GRM3: variants seen among roughly 807,000 people sequenced by gnomAD.
GRM3 encodes the protein metabotropic glutamate receptor 3.
In GRM3, 26 loss-of-function variants were observed where a neutral mutation model predicts 70.5. That is an observed-to-expected ratio of 0.37 (90% confidence interval 0.27 to 0.51). The LOEUF (loss-of-function observed/expected upper bound fraction) is 0.51, where lower values mean the gene tolerates loss of function less well. Among genes scored for constraint, GRM3 ranks in the 20% least tolerant of loss-of-function variants. The pLI is 0.93. For synonymous variants in GRM3, 443 were observed against 434.9 expected (o/e 1.02, Z -0.23); for missense variants, 859 against 1,123.8 (o/e 0.76, Z 3.37).
At chr7:86,705,242 T>C (rs1355436754) in intron 1 of GRM3, among the ~76,000 whole-genome samples, 1 of 152,016 alleles carries the variant, frequency 6.6e-6, no homozygotes, top group Non-Finnish European at 1.5e-5. Flanking sequence ...ATTACCTGCC[T>C]TTTTCCTTCA....
intron 3 of GRM3, among the ~76,000 whole-genome samples, chr7:86,787,488 C>T (rs1797286608): frequency 6.6e-6 from 1 of 152,088 alleles, no homozygotes. Context: ...CTCTAGGGAA[C>T]ATGAACTTCC....
chr7:86,664,615 C>T (rs1793978715), intron 1 of GRM3, among the ~76,000 whole-genome samples: 1 of 151,830 alleles, frequency 6.6e-6, no homozygotes, highest in South Asian at 2.1e-4. Context: ...GATTTTGTAA[C>T]AAAGAATCCA....
chr7:86,799,190 T>C (rs1354908284), intron 3 of GRM3, among the ~76,000 whole-genome samples: 3 of 152,218 alleles, frequency 2.0e-5, no homozygotes, highest in Admixed American at 6.5e-5. Context: ...TTGTGATTTT[T>C]GCACACTGAT....
Position 86,786,207 on chromosome 7 carries a change from T to C in GRM3, c.469-54T>C, listed in dbSNP as rs1418291856. ...GTGGATGCTATTATTCATTTTCATGTCCAGTCATCTACCTCGGGGTTTCTA... is the reference window on the plus strand; with the variant it reads ...GTGGATGCTATTATTCATTTTCATGCCCAGTCATCTACCTCGGGGTTTCTA... On this transcript the variant is annotated intron_variant, in intron 2 of 5. Transcript: ENST00000361669. The surrounding 1 kb of genome is among the most constrained non-coding windows in gnomAD (Gnocchi z 6.0). The C allele has an allele frequency of 5.4e-6, 8 of 1,485,922 alleles. No individual in the cohort carries two copies. In the Admixed American group the frequency reaches 1.1e-4, roughly 21 times the overall value. 92.0% of individuals were successfully genotyped at this position (1,485,922 alleles called of 1,614,324 possible).
At chr7:86,662,992 G>A (rs983526590) in intron 1 of GRM3, among the ~76,000 whole-genome samples, 2 of 151,808 alleles carry the variant, frequency 1.3e-5, no homozygotes, top group Admixed American at 1.3e-4. Context: ...CCAAATTTGA[G>A]GCCAGTATAA....
At chr7:86,826,089 T>C (rs1045001656) in intron 3 of GRM3, among the ~76,000 whole-genome samples, 1 of 152,230 alleles carries the variant, frequency 6.6e-6, no homozygotes, top group Non-Finnish European at 1.5e-5. Flanking sequence ...CATTTTAAAA[T>C]CTTTGCTGTA....
At chr7:86,739,990 G>A (rs1176294208) in intron 1 of GRM3, among the ~76,000 whole-genome samples, 1 of 152,150 alleles carries the variant, frequency 6.6e-6, no homozygotes, top group South Asian at 2.1e-4. Context: ...TTAATAAGAT[G>A]TGCGTGCTAA....
At chr7:86,722,073 G>A (rs1466639659) in intron 1 of GRM3, among the ~76,000 whole-genome samples, 1 of 152,058 alleles carries the variant, frequency 6.6e-6, no homozygotes, top group Non-Finnish European at 1.5e-5. Flanking sequence ...TTGAGATTGG[G>A]CACAATTCTC....
At chr7:86,722,633 A>T (rs1795498266) in intron 1 of GRM3, among the ~76,000 whole-genome samples, 1 of 152,004 alleles carries the variant, frequency 6.6e-6, no homozygotes, top group Non-Finnish European at 1.5e-5. Context: ...GAGGGATAGC[A>T]TTAGGAGAAA....
At chr7:86,705,219 G>T (rs1795030585) in intron 1 of GRM3, among the ~76,000 whole-genome samples, 1 of 151,710 alleles carries the variant, frequency 6.6e-6, no homozygotes, top group Non-Finnish European at 1.5e-5. Flanking sequence ...CCTTCCTTCT[G>T]TCTTTCTTTT....
At position 86,786,950 on chromosome 7, in the gene GRM3, A is replaced by G; in HGVS notation, c.1158A>G (p.Gln386=). 1.2e-6 allele frequency: 2 copies of G among 1,614,214 alleles called. No homozygotes were observed. The highest frequency in any genetic ancestry group is 1.7e-6 in the Non-Finnish European group (2 of 1,180,014). ...HLAIDSSNYE[Q]ESKIMFVVNA... ...CCATCGACAGCAGCAACTACGAGCA[A>G]GAGTCCAAGATCATGTTTGTGGTGA... Residue 386 remains glutamine (Q), a synonymous_variant, in exon 3 of 6, where the codon CAA becomes CAG. Coordinates refer to ENST00000361669, the MANE Select transcript of GRM3 (RefSeq NM_000840.3). The surrounding 1 kb of genome is among the most constrained non-coding windows in gnomAD (Gnocchi z 6.0).
chr7:86,824,023 T>TA (rs1798182212), intron 3 of GRM3, among the ~76,000 whole-genome samples: 1 of 152,134 alleles, frequency 6.6e-6, no homozygotes, highest in Non-Finnish European at 1.5e-5. Context: ...ACTCAGTCTG[T>TA]ATAGCCTAGA....
intron 3 of GRM3, among the ~76,000 whole-genome samples, chr7:86,794,039 G>T (rs137986149): frequency 1.8e-4 from 28 of 151,874 alleles, no homozygotes; most frequent in African/African-American, 6.0e-4. Context: ...CACTTGCAAA[G>T]GTATCTGGAG....
chr7:86,838,335 A>T (rs947292306), intron 3 of GRM3, among the ~76,000 whole-genome samples: 2 of 152,210 alleles, frequency 1.3e-5, no homozygotes, highest in African/African-American at 4.8e-5. Context: ...TATTGAAAAG[A>T]ATCATATCAT....
At chr7:86,646,015 G>A (rs1562811313) in intron 1 of GRM3, among the ~76,000 whole-genome samples, 2 of 57,262 alleles carry the variant, frequency 3.5e-5, no homozygotes, top group Non-Finnish European at 3.4e-5. Flanking sequence ...GTGGGGGGGG[G>A]TGGGAGGGAG....
intron 1 of GRM3, among the ~76,000 whole-genome samples, chr7:86,718,601 C>A (rs1283257734): frequency 3.3e-5 from 5 of 151,898 alleles, no homozygotes; most frequent in Admixed American, 2.6e-4. Context: ...ACAGTTGTTT[C>A]AACATTCTCT....
At chr7:86,823,582 ATTTTTTTTTTTT>A (rs35792615) in intron 3 of GRM3, among the ~76,000 whole-genome samples, 4 of 43,116 alleles carry the variant, frequency 9.3e-5, no homozygotes, top group African/African-American at 2.0e-4. Context: ...TGTGTGAGGT[ATTTTTTTTTTTT>A]TTTTTTTTTT....
intron 5 of GRM3, among the ~76,000 whole-genome samples, chr7:86,856,437 C>T (rs888633674): frequency 6.9e-6 from 1 of 144,478 alleles, no homozygotes; most frequent in Middle Eastern, 3.3e-3. Flanking sequence ...CAGAGCAAGA[C>T]TCCATCGCCC....
intron 3 of GRM3, among the ~76,000 whole-genome samples, chr7:86,791,865 T>C (rs1034936060): frequency 1.3e-5 from 2 of 152,192 alleles, no homozygotes; most frequent in African/African-American, 4.8e-5. Context: ...TTCCAAACCT[T>C]AGTATATTTA....
Sources: gnomAD v4.1 joint callset for allele counts (sites outside exome capture counted in the v4.1 genomes callset) on GRCh38, gnomAD v4.1.1 for gene constraint, Gnocchi (gnomAD v3.1) non-coding constraint, MANE v1.5 for transcripts, NCBI Gene and HGNC (gene_info 2026-07-23, HGNC 2026-07-21) for gene names.